Variants in RAD23B observed in about 807,000 individuals in gnomAD.
RAD23B encodes lysine-specific demethylase RAD23B.
RAD23B carries 5 observed loss-of-function variants against 49.1 expected under a neutral mutation model. The observed-to-expected ratio is 0.10, with a 90% CI of 0.05 to 0.21. The LOEUF is 0.21. RAD23B is among the 10% of genes least tolerant of loss of function. The pLI is 1.00. For missense variants in RAD23B, 356 were observed against 486.7 expected (o/e 0.73, Z 2.53); for synonymous variants, 184 against 165.4 (o/e 1.11, Z -0.86).
intron 1 of RAD23B, among the ~76,000 whole-genome samples, chr9:107,289,376 G>T (rs575193060): frequency 6.6e-6 from 1 of 152,062 alleles, no homozygotes; most frequent in East Asian, 1.9e-4. Flanking sequence ...TGTAGGGATG[G>T]GGTCTTGATG....
chr9:107,296,350 T>C (rs2133069603), intron 1 of RAD23B, among the ~76,000 whole-genome samples: 1 of 152,354 alleles, frequency 6.6e-6, no homozygotes, highest in African/African-American at 2.4e-5. Context: ...TCTGAGAATG[T>C]ATTTCTTCAC....
chr9:107,289,745 AG>A (rs1833345884), intron 1 of RAD23B, among the ~76,000 whole-genome samples: 1 of 152,222 alleles, frequency 6.6e-6, no homozygotes, highest in Admixed American at 6.5e-5. Flanking sequence ...CTGTAAAATG[AG>A]AATACTAGTA....
intron 1 of RAD23B, 47 bp from the exon 2 acceptor site, chr9:107,300,094 T>C: frequency 6.3e-7 from 1 of 1,580,006 alleles, no homozygotes; most frequent in Non-Finnish European, 8.6e-7. Context: ...TGGATTGTCA[T>C]TTTTTATTTA....
chr9:107,316,723 C>T (rs192692284), intron 5 of RAD23B, among the ~76,000 whole-genome samples: 89 of 151,770 alleles, frequency 5.9e-4, no homozygotes, highest in African/African-American at 2.2e-3. Flanking sequence ...AACAGATACT[C>T]GGTTTCAGCT....
At chr9:107,304,076 G>A (rs1319835192) in intron 3 of RAD23B, among the ~76,000 whole-genome samples, 2 of 152,112 alleles carry the variant, frequency 1.3e-5, no homozygotes, top group African/African-American at 4.8e-5. Flanking sequence ...TGCTGCTACA[G>A]TAAGGCATTA....
Position 107,304,835 on chromosome 9 carries a change from C to T in RAD23B, c.229-1544C>T, listed in dbSNP as rs141653789. On this transcript the variant is annotated intron_variant, in intron 3 of 9. Coordinates refer to ENST00000358015, the MANE Select transcript of RAD23B (RefSeq NM_002874.5). ...CTTAGGAGTGCTGGCCTCTCCCCTA[C>T]AGTCAGAAATCTGCATATACCTTTT... Among the ~76,000 whole-genome samples the T allele has an allele frequency of 6.1e-3, 935 of 152,294 alleles. 7 individuals are homozygous for T. The highest frequency in any genetic ancestry group is 0.02 in the African/African-American group (835 of 41,564).
chr9:107,311,821 A>C, intron 5 of RAD23B, 84 bp downstream of exon 5: 2 of 1,010,834 alleles, frequency 2.0e-6, no homozygotes, highest in South Asian at 3.1e-5. Context: ...AAAAGTGTTA[A>C]TAATTTGCAT....
At chr9:107,322,777 T>TA (rs1827136076) in intron 7 of RAD23B, among the ~76,000 whole-genome samples, 1 of 152,228 alleles carries the variant, frequency 6.6e-6, no homozygotes, top group Admixed American at 6.5e-5. Context: ...CTGATAATGA[T>TA]AGTCACCTCT....
Position 107,324,949 on chromosome 9 carries a change from G to A in RAD23B, c.1061G>A (p.Ser354Asn), listed in dbSNP as rs773774956. ...AGTGGAGGAATTGCAGAAGCTGGAA[G>A]TGGTCATATGAACTACATTCAAGTA... The part of the protein sequence containing the change: ...GGSGGIAEAG[S>N]GHMNYIQVTP... The change falls in exon 9 of 10, where the codon AGT (serine) becomes AAT (asparagine). Residue 354 changes from serine (S) to asparagine (N), a missense_variant. This residue lies in a region of RAD23B where 148 missense variants were observed against 231.7 expected (regional missense o/e 0.64). Coordinates refer to ENST00000358015, the MANE Select transcript of RAD23B (RefSeq NM_002874.5). 9.3e-6 allele frequency: 15 copies of A among 1,613,742 alleles called. No individual in the cohort carries two copies. In the East Asian group the frequency reaches 3.3e-4, roughly 36 times the overall value.
chr9:107,317,633 A>C (rs1196570410), intron 5 of RAD23B, among the ~76,000 whole-genome samples: 1 of 151,934 alleles, frequency 6.6e-6, no homozygotes, highest in Non-Finnish European at 1.5e-5. Context: ...AGAGGGGTAA[A>C]GATGTTGGTG....
chr9:107,296,263 C>A (rs778770930), intron 1 of RAD23B, among the ~76,000 whole-genome samples: 17 of 152,164 alleles, frequency 1.1e-4, no homozygotes, highest in Non-Finnish European at 2.1e-4. Flanking sequence ...GTGCCTTCCC[C>A]CACCACCTTA....
At position 107,305,901 on chromosome 9, in the gene RAD23B, G is replaced by A. The variant is rs368430785; in HGVS notation, c.229-478G>A. 4.4e-4 allele frequency among the ~76,000 whole-genome samples: 66 copies of A among 151,688 alleles called. 2 individuals carry two copies. The South Asian group carries it at 0.011, about 26-fold the overall frequency. ...GTGGTGGGAGGATTGCTTCAGGCCC[G>A]GAGTTCAAGACCAGCCTGGGCAAGG... On this transcript the variant is annotated intron_variant, in intron 3 of 9. Coordinates refer to ENST00000358015, the MANE Select transcript of RAD23B (RefSeq NM_002874.5).
intron 3 of RAD23B, among the ~76,000 whole-genome samples, chr9:107,306,135 T>G (rs920831901): frequency 6.8e-6 from 1 of 148,054 alleles, no homozygotes; most frequent in Non-Finnish European, 1.5e-5. Context: ...AGATGGAAAT[T>G]GTTGGGTAAA....
At chr9:107,286,014 T>C (rs906435606) in intron 1 of RAD23B, among the ~76,000 whole-genome samples, 2 of 152,224 alleles carry the variant, frequency 1.3e-5, no homozygotes, top group African/African-American at 4.8e-5. Flanking sequence ...TCTAAGTTGT[T>C]GTGAGAACGA....
At chr9:107,304,212 T>C (rs747147263) in intron 3 of RAD23B, among the ~76,000 whole-genome samples, 21 of 152,176 alleles carry the variant, frequency 1.4e-4, no homozygotes, top group Non-Finnish European at 2.8e-4. Context: ...AAAGTATAAG[T>C]AGCTGTTCTT....
At chr9:107,284,864 T>C (rs1833243250) in intron 1 of RAD23B, 1 of 1,238,712 alleles carries the variant, frequency 8.1e-7, no homozygotes, top group Non-Finnish European at 1.1e-6. Context: ...AGTTTCATTC[T>C]CTGTATAATA....
At chr9:107,313,264 C>T (rs796333016) in intron 5 of RAD23B, among the ~76,000 whole-genome samples, 22 of 152,002 alleles carry the variant, frequency 1.4e-4, no homozygotes, top group African/African-American at 4.3e-4. Flanking sequence ...CTCACTCTGT[C>T]GCCCAGGCTG....
chr9:107,301,344 A>G (rs1420405447), intron 2 of RAD23B, among the ~76,000 whole-genome samples: 1 of 152,194 alleles, frequency 6.6e-6, no homozygotes, highest in Admixed American at 6.5e-5. Flanking sequence ...AAAAGAATAT[A>G]GGTTATTTTC....
Position 107,318,599 on chromosome 9 carries a change from C to T in RAD23B, c.554-153C>T, listed in dbSNP as rs1309550245. On this transcript the variant is annotated intron_variant, in intron 5 of 9. Transcript: ENST00000358015. The surrounding 1 kb of genome is among the most constrained non-coding windows in gnomAD (Gnocchi z 4.3). ...AGAGGGCATCTTTGGGGGACCATTA[C>T]CTACTACATATATGTTGTAATTTAT... is the stretch of plus-strand genomic sequence containing the variant. 6.6e-6 allele frequency among the ~76,000 whole-genome samples: 1 copy of T among 152,196 alleles called. No homozygotes were observed. Among genetic ancestry groups the T allele is most frequent in the Admixed American group, 6.5e-5 (1 of 15,270 alleles).
Sources: allele counts gnomAD v4.1 joint callset (sites outside exome capture counted in the v4.1 genomes callset), GRCh38; gene constraint gnomAD v4.1.1; regional missense constraint gnomAD v4.1.1; non-coding constraint Gnocchi (gnomAD v3.1); transcripts MANE v1.5; gene names NCBI Gene and HGNC (gene_info 2026-07-23, HGNC 2026-07-21).